The following KIF21B variants were observed in gnomAD, a reference collection of about 807,000 sequenced individuals.
KIF21B encodes the protein kinesin family member 21B, also known as kinesin-like protein KIF21B.
KIF21B carries 85 observed loss-of-function variants against 192.9 expected under a neutral mutation model. The ratio of observed to expected loss-of-function variants is 0.44; its 90% CI spans 0.37 to 0.53. KIF21B has a LOEUF of 0.53. Ranked by LOEUF, KIF21B falls within the 20% of genes least tolerant of loss-of-function variation. The pLI, the probability that KIF21B is intolerant of heterozygous loss-of-function variation, is 0.00. For synonymous variants in KIF21B, 832 were observed against 884.6 expected, an observed-to-expected ratio of 0.94 and a Z score of 1.05; for missense variants, 1,716 against 2,194.8, an observed-to-expected ratio of 0.78 and a Z score of 4.36.
Position 200,998,319 on chromosome 1 carries a change from C to T in KIF21B, c.2077+65G>A. On this transcript the variant is annotated intron_variant, in intron 14 of 34. Coordinates refer to ENST00000461742, the MANE Select transcript of KIF21B (RefSeq NM_001252102.2). The surrounding 1 kb of genome is among the most constrained non-coding windows in gnomAD (Gnocchi z 4.3). ...ACCCCAACACACCAGCTGCTTTTGA[C>T]AGAGGAGGGGCTCAGGGAAAAGGGA... 1 of 1,488,382 alleles carries T rather than the reference C, an allele frequency of 6.7e-7. No homozygotes were observed. The highest frequency in any genetic ancestry group is 9.2e-7 in the Non-Finnish European group (1 of 1,092,658). 92.2% of individuals were successfully genotyped at this position (1,488,382 alleles called of 1,614,324 possible).
chr1:201,009,137 C>G, intron 2 of KIF21B, 129 bp downstream of exon 2: 4 of 1,124,888 alleles, frequency 3.6e-6, no homozygotes, highest in Non-Finnish European at 5.0e-6. Context: ...AGCGGTGCAA[C>G]GGCCTCCTTA....
chr1:200,974,422 G>A (rs296566), intron 34 of KIF21B, among the ~76,000 whole-genome samples: 1 of 152,068 alleles, frequency 6.6e-6, no homozygotes, highest in East Asian at 1.9e-4. Flanking sequence ...ATACCTGCAC[G>A]GGGGAAGACA....
Position 200,982,297 on chromosome 1 carries a change from T to G in KIF21B, c.3842+759A>C, listed in dbSNP as rs1254559284. 6.6e-6 allele frequency among the ~76,000 whole-genome samples: 1 copy of G among 152,110 alleles called. No homozygotes were observed. The highest frequency in any genetic ancestry group is 1.9e-4 in the East Asian group (1 of 5,164). ...ATCTTGTGGTGGCAAAGCCTCATGA[T>G]TCACAGTAAACCAGTTGTCGACACT... On this transcript the variant is annotated intron_variant, in intron 28 of 34. Transcript: ENST00000461742. This position sits in a 1 kb window ranked among gnomAD's most constrained non-coding sequence, Gnocchi z 4.7.
chr1:201,002,038 A>G, intron 9 of KIF21B, 123 bp downstream of exon 9: 1 of 791,168 alleles, frequency 1.3e-6, no homozygotes, highest in South Asian at 1.7e-5. Context: ...AAAAAAATGC[A>G]TAAATGAGTT....
rs1177171694 is a variant in KIF21B at position 201,023,362 on chromosome 1, A to T, written c.22T>A (p.Cys8Ser). Reference sequence around the variant, plus strand: ...CCCTACCTGACGGCCACCTTGACGCAGCAGTCCCCCTGGCCGGCCATGGCC... The same window carrying T: ...CCCTACCTGACGGCCACCTTGACGCTGCAGTCCCCCTGGCCGGCCATGGCC... MAGQGDC[C>S]VKVAVRIRPQ... The change falls in exon 1 of 35, where the codon TGC becomes AGC. Residue 8 changes from cysteine to serine, a missense_variant. By Grantham distance (112) the Cys-to-Ser change is moderately radical. Transcript: ENST00000461742. The surrounding 1 kb of genome is among the most constrained non-coding windows in gnomAD (Gnocchi z 5.9). The T allele has an allele frequency of 1.3e-6, 2 of 1,530,086 alleles. No homozygotes were observed. The highest frequency in any genetic ancestry group is 8.8e-7 in the Non-Finnish European group (1 of 1,140,920). The allele number at this position is 1,530,086 out of a possible 1,614,324, so 94.8% of individuals were successfully genotyped here. A position where few individuals can be genotyped will look rare whatever the true frequency, so the allele number is the denominator to read the frequency against.
At chr1:201,004,079 C>A (rs1483646138) in intron 7 of KIF21B, among the ~76,000 whole-genome samples, 1 of 152,202 alleles carries the variant, frequency 6.6e-6, no homozygotes, top group Non-Finnish European at 1.5e-5. Context: ...CATTTTCTAG[C>A]ATTTCCCATC....
In KIF21B at chr1:200,973,289, C is replaced by T. The variant is rs1185328920; in HGVS notation, c.*232G>A. The T allele has an allele frequency of 2.1e-6, 1 of 475,592 alleles. No homozygotes were observed. The highest frequency in any genetic ancestry group is 3.5e-5 in the East Asian group (1 of 28,206). The allele number at this position is 475,592 out of a possible 1,614,324, so 29.5% of individuals were successfully genotyped here. On this transcript the variant is annotated 3_prime_UTR_variant, in exon 35 of 35. Coordinates refer to ENST00000461742, the MANE Select transcript of KIF21B (RefSeq NM_001252102.2). ...GAAGGGATAATGCCCTTTGGCTTCA[C>T]AGCTTAATTTCCTCCCCAGCCTCTC...
intron 32 of KIF21B, 123 bp downstream of exon 32, chr1:200,976,653 G>A (rs1026691039): frequency 4.6e-5 from 26 of 568,754 alleles, no homozygotes; most frequent in Non-Finnish European, 6.5e-5. Flanking sequence ...TCTTTGGGGT[G>A]ATTTCTTCAG....
At position 200,988,421 on chromosome 1, in the gene KIF21B, T is replaced by C. The variant is rs1052396464; in HGVS notation, c.3351-68A>G. Reference sequence around the variant, plus strand: ...CAAATTCAGGCTCAGCCCTGGGACCTATGGCAACTCCTCCCACCAGCCCCA... The same window carrying C: ...CAAATTCAGGCTCAGCCCTGGGACCCATGGCAACTCCTCCCACCAGCCCCA... On this transcript the variant is annotated intron_variant, in intron 23 of 34. Coordinates refer to ENST00000461742, the MANE Select transcript of KIF21B (RefSeq NM_001252102.2). 2.2e-5 allele frequency: 35 copies of C among 1,609,506 alleles called. No individual in the cohort carries two copies. The African/African-American group carries it at 3.9e-4, about 18-fold the overall frequency.
intron 1 of KIF21B, among the ~76,000 whole-genome samples, chr1:201,018,169 C>T (rs1360518478): frequency 1.3e-5 from 2 of 152,214 alleles, no homozygotes; most frequent in Non-Finnish European, 2.9e-5. Flanking sequence ...AGACCTAGCA[C>T]ACATGGGGTT....
intron 30 of KIF21B, 117 bp from the exon 31 acceptor site, chr1:200,977,493 C>T (rs1655634515): frequency 1.6e-6 from 2 of 1,250,082 alleles, no homozygotes; most frequent in South Asian, 1.5e-5. Flanking sequence ...AGGAAGTCTT[C>T]CTTGACTGAC....
chr1:200,986,352 C>CTT (rs199915546), intron 26 of KIF21B, among the ~76,000 whole-genome samples: 1 of 143,520 alleles, frequency 7.0e-6, no homozygotes, highest in Non-Finnish European at 1.5e-5. Context: ...ATTACATTTC[C>CTT]TTTTTTTTTT....
At chr1:200,973,914 G>A (rs1039798921) in intron 34 of KIF21B, 12 of 1,494,046 alleles carry the variant, frequency 8.0e-6, no homozygotes, top group African/African-American at 7.0e-5. Flanking sequence ...GGAAAAGGAC[G>A]GTGGGTGCAG....
rs1402463353 is a variant in KIF21B at position 200,975,142 on chromosome 1, A to T, written c.4615-229T>A. ...GCTCTACTTCCCAGGTTCAAGCCTA[A>T]GATCCTGCCCTGGCAGAGAACCCTT... On this transcript the variant is annotated intron_variant, in intron 33 of 34. Transcript: ENST00000461742. This position sits in a 1 kb window ranked among gnomAD's most constrained non-coding sequence, Gnocchi z 4.3. Among the ~76,000 whole-genome samples the T allele has an allele frequency of 6.6e-6, 1 of 152,192 alleles. No individual in the cohort carries two copies. Among genetic ancestry groups the T allele is most frequent in the African/African-American group, 2.4e-5 (1 of 41,430 alleles).
chr1:200,988,560 A>AG lies in KIF21B; in HGVS notation c.3299-17dup. 2 of 323,924 alleles carry AG rather than the reference A, an allele frequency of 6.2e-6. No homozygotes were observed. The highest frequency in any genetic ancestry group is 5.0e-5 in the East Asian group (1 of 19,832). 20.1% of individuals were successfully genotyped at this position (323,924 alleles called of 1,614,324 possible). On this transcript the variant is annotated splice_polypyrimidine_tract_variant and intron_variant, in intron 22 of 34. Coordinates refer to ENST00000461742, the MANE Select transcript of KIF21B (RefSeq NM_001252102.2). ...TAGCCATTCTCTGTGGGAGGGCGGG[A>AG]GGGAGGGAAAGGGGTTGAGAAGCCC...
intron 27 of KIF21B, among the ~76,000 whole-genome samples, chr1:200,984,122 G>A (rs766665998): frequency 1.3e-5 from 2 of 152,134 alleles, no homozygotes; most frequent in Non-Finnish European, 2.9e-5. Flanking sequence ...TGGAGGATAG[G>A]GTCCTCCCCT....
intron 22 of KIF21B, 44 bp downstream of exon 22, chr1:200,988,721 TG>T: frequency 6.3e-7 from 1 of 1,576,582 alleles, no homozygotes; most frequent in Non-Finnish European, 8.6e-7. Flanking sequence ...CCAAGAGCAC[TG>T]GAATGCCAAG....
Position 200,984,906 on chromosome 1 carries a change from G to A in KIF21B, c.3756C>T (p.Val1252=), listed in dbSNP as rs140777137. 424 of 1,607,288 alleles carry A rather than the reference G, an allele frequency of 2.6e-4. No homozygotes were observed. Among genetic ancestry groups the A allele is most frequent in the Non-Finnish European group, 3.4e-4 (399 of 1,177,648 alleles). ...TCTGATTACTGGTGAGACGAGAGAA[G>A]ACATTGCGGTCATTGCGGGGCCGAG... The part of the protein sequence containing the change: ...PPTRPRNDRN[V]FSRLTSNQSQ... Residue 1252 remains valine, a synonymous_variant, in exon 27 of 35, where the codon GTC becomes GTT. Transcript: ENST00000461742.
At chr1:200,977,512 G>T in intron 30 of KIF21B, 136 bp from the exon 31 acceptor site, 2 of 1,059,394 alleles carry the variant, frequency 1.9e-6, no homozygotes, top group Non-Finnish European at 1.3e-6. Flanking sequence ...ACAGAGAAGA[G>T]CAATAGCTTC....
Sources: allele counts gnomAD v4.1 joint callset (sites outside exome capture counted in the v4.1 genomes callset), GRCh38; gene constraint gnomAD v4.1.1; non-coding constraint Gnocchi (gnomAD v3.1); transcripts MANE v1.5; gene names NCBI Gene and HGNC (gene_info 2026-07-23, HGNC 2026-07-21).